Variants in BTRC observed in about 807,000 individuals in gnomAD.
The protein encoded by BTRC is F-box/WD repeat-containing protein 1A.
Under a neutral mutation model 85.5 loss-of-function variants are expected in BTRC, and 42 were observed. The ratio of observed to expected loss-of-function variants is 0.49; its 90% confidence interval spans 0.38 to 0.64. BTRC has a LOEUF of 0.64. Among genes scored for constraint, BTRC ranks in the 30% least tolerant of loss-of-function variants. BTRC has a pLI of 0.00. For missense variants in BTRC, 594 were observed against 743.5 expected, an observed-to-expected ratio of 0.80 and a Z score of 2.34; for synonymous variants, 255 against 263.3, an observed-to-expected ratio of 0.97 and a Z score of 0.30.
At chr10:101,468,445 T>TA (rs954970934) in intron 3 of BTRC, among the ~76,000 whole-genome samples, 14 of 148,788 alleles carry the variant, frequency 9.4e-5, no homozygotes, top group South Asian at 2.1e-4. Flanking sequence ...GCATGAGCCC[T>TA]AAAAAAAAAA....
rs1471017781 is a variant in BTRC at position 101,389,115 on chromosome 10, G to GTTT, written c.48+34888_48+34889insTTT. ...ATGTTGCATAATTGTGATTTTTTGT[G>GTTT]TGTGTTTTTTTTTTTTTTTTTTTTT... On this transcript the variant is annotated intron_variant, in intron 1 of 14. Coordinates refer to ENST00000370187, the MANE Select transcript of BTRC (RefSeq NM_033637.4). Among the ~76,000 whole-genome samples, 94 of 35,466 alleles carry GTTT rather than the reference G, an allele frequency of 2.7e-3. 12 individuals are homozygous for GTTT. The highest frequency in any genetic ancestry group is 3.6e-3 in the East Asian group (2 of 562). 23.3% of individuals were successfully genotyped at this position (35,466 alleles called of 152,430 possible).
chr10:101,539,385 A>G (rs965180357), intron 13 of BTRC, among the ~76,000 whole-genome samples: 3 of 152,210 alleles, frequency 2.0e-5, no homozygotes, highest in Non-Finnish European at 4.4e-5. Context: ...TCATTTAGGC[A>G]TTCTTGGCTC....
intron 4 of BTRC, among the ~76,000 whole-genome samples, chr10:101,517,049 T>C (rs2062033861): frequency 6.6e-6 from 1 of 152,192 alleles, no homozygotes; most frequent in Admixed American, 6.5e-5. Flanking sequence ...AATCTTCACA[T>C]TTCATGAGTT....
At chr10:101,492,828 A>T (rs1231802149) in intron 4 of BTRC, among the ~76,000 whole-genome samples, 1 of 152,176 alleles carries the variant, frequency 6.6e-6, no homozygotes. Context: ...TGGATATGGT[A>T]TGCTTTTCAA....
intron 1 of BTRC, among the ~76,000 whole-genome samples, chr10:101,373,732 A>G (rs1430103166): frequency 6.6e-6 from 1 of 152,152 alleles, no homozygotes; most frequent in East Asian, 1.9e-4. Context: ...CCTGGCTAAC[A>G]TGATGAAACT....
intron 3 of BTRC, among the ~76,000 whole-genome samples, chr10:101,477,281 G>GT (rs1464270852): frequency 6.7e-6 from 1 of 149,992 alleles, no homozygotes; most frequent in Non-Finnish European, 1.5e-5. Flanking sequence ...GATTACAGGT[G>GT]TTAGCCACCA....
chr10:101,473,859 A>G (rs1945605639), intron 3 of BTRC, among the ~76,000 whole-genome samples: 1 of 152,082 alleles, frequency 6.6e-6, no homozygotes, highest in Non-Finnish European at 1.5e-5. Context: ...CGGCTTCCCA[A>G]AGTGCTGGGA....
intron 4 of BTRC, among the ~76,000 whole-genome samples, chr10:101,481,572 TA>T (rs200211236): frequency 6.9e-6 from 1 of 145,726 alleles, no homozygotes; most frequent in Non-Finnish European, 1.5e-5. Context: ...TTTTTTTTTT[TA>T]ATTGTTTTTT....
chr10:101,354,117 T>A (rs1590189047), upstream of BTRC: 1 of 1,536,150 alleles, frequency 6.5e-7, no homozygotes, highest in East Asian at 2.5e-5. Context: ...GGCGCTGCGT[T>A]GGCTGCGGCC....
intron 1 of BTRC, among the ~76,000 whole-genome samples, chr10:101,394,232 G>C (rs914618716): frequency 6.6e-6 from 1 of 152,146 alleles, no homozygotes; most frequent in African/African-American, 2.4e-5. Flanking sequence ...TTTGGAAATG[G>C]TTCGAGTACG....
Position 101,521,681 on chromosome 10 carries a change from C to G in BTRC, c.367C>G (p.Gln123Glu). The G allele has an allele frequency of 6.2e-7, 1 of 1,614,126 alleles. No homozygotes were observed. The highest frequency in any genetic ancestry group is 8.5e-7 in the Non-Finnish European group (1 of 1,180,026). Reference protein sequence around the residue: ...NGTSSMIVPKQRKLSASYEKE... With the variant: ...NGTSSMIVPKERKLSASYEKE... The stretch of plus-strand genomic sequence containing the variant: ...CACTTCCAGTATGATTGTGCCCAAG[C>G]AACGGAAACTCTCAGCAAGCTATGA... The change falls in exon 5 of 15, where the codon CAA (glutamine) becomes GAA (glutamate). Residue 123 changes from glutamine (Q) to glutamate (E), a missense_variant. Coordinates refer to ENST00000370187, the MANE Select transcript of BTRC (RefSeq NM_033637.4).
intron 1 of BTRC, among the ~76,000 whole-genome samples, chr10:101,422,959 T>A (rs141714617): frequency 0.014 from 2,100 of 152,306 alleles, 35 homozygotes; most frequent in African/African-American, 0.045. Context: ...CGGGCTCTTT[T>A]TTGGTTCCAT....
rs200619716 is a variant in BTRC at position 101,463,542 on chromosome 10, A to G, written c.234+1484A>G. 3.3e-5 allele frequency among the ~76,000 whole-genome samples: 5 copies of G among 152,208 alleles called. No homozygotes were observed. In the East Asian group the frequency reaches 9.7e-4, roughly 29 times the overall value. ...CCTGAGCAGCAGTAAAAATAATTCT[A>G]ATTTACTTGGATTTATAGCATTGTT... On this transcript the variant is annotated intron_variant, in intron 3 of 14. Coordinates refer to ENST00000370187, the MANE Select transcript of BTRC (RefSeq NM_033637.4).
chr10:101,431,481 G>C (rs1944404115), intron 2 of BTRC, among the ~76,000 whole-genome samples: 1 of 152,146 alleles, frequency 6.6e-6, no homozygotes, highest in Admixed American at 6.5e-5. Context: ...AAAGAGTTTG[G>C]TGCTCATTGC....
chr10:101,511,091 G>A (rs564617037), intron 4 of BTRC, among the ~76,000 whole-genome samples: 3 of 152,136 alleles, frequency 2.0e-5, no homozygotes, highest in Admixed American at 6.6e-5. Flanking sequence ...ACCTCCAGGG[G>A]CTCTCCTTTA....
intron 4 of BTRC, among the ~76,000 whole-genome samples, chr10:101,493,118 C>G (rs1302354155): frequency 6.6e-6 from 1 of 152,144 alleles, no homozygotes; most frequent in Non-Finnish European, 1.5e-5. Flanking sequence ...TTATAAAAGA[C>G]TAATTGTATC....
chr10:101,525,785 C>G (rs1564825871), intron 5 of BTRC, among the ~76,000 whole-genome samples: 1 of 151,960 alleles, frequency 6.6e-6, no homozygotes, highest in African/African-American at 2.4e-5. Context: ...CTTTAACTTC[C>G]TTATCTAAAG....
intron 10 of BTRC, 56 bp downstream of exon 10, chr10:101,534,966 A>G (rs1182663089): frequency 3.2e-6 from 5 of 1,572,726 alleles, no homozygotes; most frequent in Non-Finnish European, 4.4e-6. Flanking sequence ...TTCATATGAA[A>G]ATTTGATCAA....
At chr10:101,413,690 T>C (rs1943846861) in intron 1 of BTRC, among the ~76,000 whole-genome samples, 2 of 152,218 alleles carry the variant, frequency 1.3e-5, no homozygotes, top group South Asian at 4.1e-4. Flanking sequence ...AAAAACTTTA[T>C]ATTAAAAGAC....
Sources: allele counts gnomAD v4.1 joint callset (sites outside exome capture counted in the v4.1 genomes callset), GRCh38; gene constraint gnomAD v4.1.1; transcripts MANE v1.5; gene names NCBI Gene and HGNC (gene_info 2026-07-23, HGNC 2026-07-21).